DIP2C: variants seen among roughly 807,000 people sequenced by gnomAD.
DIP2C encodes DIP2 acetate--CoA ligase C (putative), also known as disco-interacting protein 2 homolog C.
DIP2C carries 33 observed loss-of-function variants against 192.4 expected under a neutral mutation model. The observed-to-expected ratio is 0.17, with a 90% CI of 0.13 to 0.23. DIP2C has a LOEUF of 0.23. DIP2C is among the 10% of genes least tolerant of loss of function. DIP2C has a pLI of 1.00. For synonymous variants in DIP2C, 979 were observed against 864.1 expected (o/e 1.13, Z -2.33); for missense variants, 1,537 against 2,110.1 (o/e 0.73, Z 5.32).
chr10:639,900 T>TC (rs1320345442), intron 1 of DIP2C, among the ~76,000 whole-genome samples: 1 of 151,964 alleles, frequency 6.6e-6, no homozygotes, highest in East Asian at 1.9e-4. Flanking sequence ...CAGATGTCCC[T>TC]CCCCCGCCCG....
At chr10:438,597 C>T (rs1967466815) in intron 4 of DIP2C, among the ~76,000 whole-genome samples, 1 of 151,606 alleles carries the variant, frequency 6.6e-6, no homozygotes, top group South Asian at 2.1e-4. Context: ...CCCAAGTGAT[C>T]CTCCCACCTC....
At chr10:458,579 G>A (rs765806129) in intron 3 of DIP2C, among the ~76,000 whole-genome samples, 13 of 146,564 alleles carry the variant, frequency 8.9e-5, no homozygotes, top group Non-Finnish European at 1.5e-4. Flanking sequence ...AACCCGTGAC[G>A]GCAAGGAGGA....
chr10:309,031 A>T (rs1956457880), intron 32 of DIP2C, among the ~76,000 whole-genome samples: 1 of 152,204 alleles, frequency 6.6e-6, no homozygotes, highest in Admixed American at 6.5e-5. Context: ...CAGGTCACGG[A>T]GCGGCTGCTG....
chr10:357,915 C>A lies in DIP2C; in HGVS notation c.2817G>T (p.Met939Ile). 6.2e-7 allele frequency: 1 copy of A among 1,612,596 alleles called. No individual in the cohort carries two copies. Among genetic ancestry groups the A allele is most frequent in the Non-Finnish European group, 8.5e-7 (1 of 1,179,806 alleles). Residue 939 changes from methionine (M) to isoleucine (I), a missense_variant, in exon 23 of 37, where the codon ATG becomes ATT. Physicochemically the swap from Met to Ile is conservative, Grantham distance 10. This residue lies in a region of DIP2C where 677 missense variants were observed against 989.9 expected (regional missense o/e 0.68). Transcript: ENST00000280886. ...TCTTCCCAGAGACCAGGTTCCCCAC[C>A]ATCACAGAGGCAGGGCCGATTTCTA... is the stretch of plus-strand genomic sequence containing the variant. ...KQPEIGPASVMVGNLVSGKRI... is the reference protein window; with the variant it reads ...KQPEIGPASVIVGNLVSGKRI...
At chr10:289,822 C>T (rs2132191908) in intron 32 of DIP2C, among the ~76,000 whole-genome samples, 1 of 152,306 alleles carries the variant, frequency 6.6e-6, no homozygotes, top group Admixed American at 6.5e-5. Flanking sequence ...GTGGGAGGCA[C>T]CCAGCAGTGT....
chr10:418,969 T>C (rs1387456187), intron 6 of DIP2C, 96 bp downstream of exon 6: 22 of 1,557,342 alleles, frequency 1.4e-5, no homozygotes, highest in African/African-American at 2.7e-5. Context: ...GAACCGATTG[T>C]ACCCCAGGAA....
chr10:673,609 AT>A (rs1199428906), intron 1 of DIP2C, among the ~76,000 whole-genome samples: 2 of 152,158 alleles, frequency 1.3e-5, no homozygotes, highest in Admixed American at 1.3e-4. Flanking sequence ...CCATCCAAGA[AT>A]GGCTCCCTGC....
intron 1 of DIP2C, among the ~76,000 whole-genome samples, chr10:489,528 A>G (rs893721506): frequency 6.6e-5 from 10 of 152,250 alleles, no homozygotes; most frequent in African/African-American, 2.4e-4. Flanking sequence ...CCTTCAATCA[A>G]TGCCACGCTG....
At chr10:649,951 A>C (rs1243193853) in intron 1 of DIP2C, 2 of 612,940 alleles carry the variant, frequency 3.3e-6, no homozygotes, top group African/African-American at 3.7e-5. Flanking sequence ...CACCATTAAC[A>C]CATCAAAACG....
chr10:326,901 A>G (rs1957295896), intron 31 of DIP2C, 105 bp downstream of exon 31: 1 of 1,366,336 alleles, frequency 7.3e-7, no homozygotes, highest in Non-Finnish European at 9.8e-7. Flanking sequence ...TCTCTTCTGG[A>G]TGTAGCTAAG....
At chr10:580,712 A>ATGT in intron 1 of DIP2C, among the ~76,000 whole-genome samples, 1 of 152,310 alleles carries the variant, frequency 6.6e-6, no homozygotes, top group Admixed American at 6.5e-5. Flanking sequence ...CGCTGCAGAA[A>ATGT]GGCTTCCAGT....
At chr10:566,451 C>T (rs903416745) in intron 1 of DIP2C, among the ~76,000 whole-genome samples, 4 of 152,220 alleles carry the variant, frequency 2.6e-5, no homozygotes, top group East Asian at 1.9e-4. Flanking sequence ...CCTTTCCTCT[C>T]GAGTAGCACA....
intron 2 of DIP2C, among the ~76,000 whole-genome samples, chr10:479,686 C>G (rs186921302): frequency 4.6e-5 from 7 of 152,170 alleles, no homozygotes; most frequent in Non-Finnish European, 1.0e-4. Flanking sequence ...CTTTGCCACA[C>G]ATCAGTATAT....
intron 13 of DIP2C, among the ~76,000 whole-genome samples, chr10:389,076 ATGGGGGTTCTC>A (rs112688735): frequency 0.12 from 7,866 of 66,206 alleles, 970 homozygotes; most frequent in African/African-American, 0.35. Flanking sequence ...TCTCAGGGGC[ATGGGGGTTCTC>A]TGGGGGTTCT....
chr10:379,528 G>T (rs749718508), intron 17 of DIP2C, among the ~76,000 whole-genome samples: 3 of 152,180 alleles, frequency 2.0e-5, no homozygotes, highest in African/African-American at 7.2e-5. Flanking sequence ...TCATAGCCCA[G>T]ATGTCCATGC....
chr10:382,816 A>G, intron 16 of DIP2C, 55 bp from the exon 17 acceptor site: 3 of 1,290,994 alleles, frequency 2.3e-6, no homozygotes, highest in Non-Finnish European at 3.2e-6. Flanking sequence ...ATTGATTACA[A>G]AATCCCACCA....
intron 1 of DIP2C, among the ~76,000 whole-genome samples, chr10:529,273 C>G (rs1272615640): frequency 1.3e-5 from 2 of 152,224 alleles, no homozygotes; most frequent in African/African-American, 2.4e-5. Flanking sequence ...TACTGCTTAA[C>G]TAAAACTTCT....
At chr10:318,641 C>T (rs1002953462) in intron 31 of DIP2C, among the ~76,000 whole-genome samples, 20 of 152,332 alleles carry the variant, frequency 1.3e-4, no homozygotes, top group East Asian at 9.7e-4. Context: ...AGCTGGCTGA[C>T]GTGCAGGATA....
Position 611,329 on chromosome 10 carries a change from T to C in DIP2C, c.85+78165A>G, listed in dbSNP as rs149175250. Among the ~76,000 whole-genome samples, 32 of 152,276 alleles carry C rather than the reference T, an allele frequency of 2.1e-4. No individual in the cohort carries two copies. In the East Asian group the frequency reaches 4.2e-3, roughly 20 times the overall value. On this transcript the variant is annotated intron_variant, in intron 1 of 36. Coordinates refer to ENST00000280886, the MANE Select transcript of DIP2C (RefSeq NM_014974.3). ...GTATGCCGATTAAACCTTTTTTCCT[T>C]ATCAATTACCCAGCCTCAGGTAGTT...
Sources: allele counts gnomAD v4.1 joint callset (sites outside exome capture counted in the v4.1 genomes callset), GRCh38; gene constraint gnomAD v4.1.1; regional missense constraint gnomAD v4.1.1; transcripts MANE v1.5; gene names NCBI Gene and HGNC (gene_info 2026-07-23, HGNC 2026-07-21).